ZFAND6: variants seen among roughly 807,000 people sequenced by gnomAD.
ZFAND6 encodes the protein zinc finger AN1-type containing 6, also known as AN1-type zinc finger protein 6.
A neutral mutation model predicts 24.5 loss-of-function variants in ZFAND6; 12 were observed. The ratio of observed to expected loss-of-function variants is 0.49; its 90% CI spans 0.31 to 0.79. ZFAND6 has a LOEUF of 0.79. Ranked by LOEUF, ZFAND6 falls within the 30% of genes least tolerant of loss-of-function variation. ZFAND6 has a pLI of 0.04. For missense variants in ZFAND6, 207 were observed against 245.9 expected, an observed-to-expected ratio of 0.84 and a Z score of 1.06; for synonymous variants, 92 against 81.5, an observed-to-expected ratio of 1.13 and a Z score of -0.69.
chr15:80,096,899 G>A (rs1479758335), intron 1 of ZFAND6, among the ~76,000 whole-genome samples: 1 of 152,108 alleles, frequency 6.6e-6, no homozygotes, highest in Non-Finnish European at 1.5e-5. Context: ...AAAAATGCAG[G>A]TGAATAGGAA....
chr15:80,122,962 G>A (rs72630427), intron 5 of ZFAND6, 162 bp downstream of exon 5: 32,448 of 506,270 alleles, frequency 0.064, 1,615 homozygotes, highest in East Asian at 0.22. Context: ...AACATGTTGG[G>A]GAGCCATTTC....
chr15:80,060,930 C>T (rs989703868), intron 1 of ZFAND6, among the ~76,000 whole-genome samples: 2 of 152,044 alleles, frequency 1.3e-5, no homozygotes, highest in South Asian at 2.1e-4. Flanking sequence ...AAAAAAAAGC[C>T]GGGCAGAATT....
chr15:80,069,241 A>G (rs570034964), intron 1 of ZFAND6, among the ~76,000 whole-genome samples: 1 of 152,290 alleles, frequency 6.6e-6, no homozygotes, highest in East Asian at 1.9e-4. Context: ...GCACATGAAA[A>G]TTTATGACTT....
intron 2 of ZFAND6, chr15:80,112,710 A>C (rs773384800): frequency 8.0e-5 from 36 of 448,600 alleles, no homozygotes; most frequent in Non-Finnish European, 1.4e-4. Flanking sequence ...TTTTTTTATC[A>C]TCTCTGCAAA....
intron 1 of ZFAND6, among the ~76,000 whole-genome samples, chr15:80,064,457 ATCT>A (rs1479567661): frequency 6.6e-6 from 1 of 152,086 alleles, no homozygotes; most frequent in Admixed American, 6.6e-5. Flanking sequence ...GATATTGGAC[ATCT>A]TCTAGTTTAT....
intron 1 of ZFAND6, among the ~76,000 whole-genome samples, chr15:80,068,440 C>T (rs1474475684): frequency 1.3e-5 from 2 of 152,014 alleles, no homozygotes; most frequent in South Asian, 2.1e-4. Context: ...GGCACGATCT[C>T]GGCTAACTGC....
chr15:80,075,343 T>C (rs549239105), intron 1 of ZFAND6: 76 of 227,382 alleles, frequency 3.3e-4, no homozygotes, highest in Non-Finnish European at 5.6e-4. Context: ...AGTGAAAGTT[T>C]AGCTGTTGAT....
chr15:80,129,444 G>A (rs1182598822), intron 5 of ZFAND6, among the ~76,000 whole-genome samples: 1 of 152,198 alleles, frequency 6.6e-6, no homozygotes. Context: ...CACAGCAAAT[G>A]TCTGAGCATG....
intron 2 of ZFAND6, among the ~76,000 whole-genome samples, chr15:80,118,633 T>C (rs79547835): frequency 0.013 from 2,008 of 152,286 alleles, 39 homozygotes; most frequent in African/African-American, 0.046. Flanking sequence ...AAGTAGCATT[T>C]ATAAAAAGAA....
rs770135992 is a variant in ZFAND6, at chr15:80,120,475, G to A, written c.131G>A (p.Ser44Asn). 2.6e-6 allele frequency: 4 copies of A among 1,566,978 alleles called. No homozygotes were observed. The highest frequency in any genetic ancestry group is 8.7e-7 in the Non-Finnish European group (1 of 1,151,736). ...YKEHLQRQNS[S>N]NGRISPPATS... ...GAACATCTTCAAAGACAGAATAGTAGTAATGGTAGAATAAGCCCACCTGGT... is the reference window on the plus strand; with the variant it reads ...GAACATCTTCAAAGACAGAATAGTAATAATGGTAGAATAAGCCCACCTGGT... The change falls in exon 3 of 7, where the codon AGT becomes AAT. Residue 44 changes from serine to asparagine, a missense_variant. Coordinates refer to ENST00000261749, the MANE Select transcript of ZFAND6 (RefSeq NM_019006.4).
chr15:80,062,135 TCTC>T lies in ZFAND6; in HGVS notation c.-181+2331_-181+2333del, dbSNP rs773101472. On this transcript the variant is annotated intron_variant, in intron 1 of 6. Transcript: ENST00000261749. ...AATAAATTATCCTTTCTGCTGTTCC[TCTC>T]CTCCCCTCTAATCTCTAGCAAATTA... 7.2e-5 allele frequency among the ~76,000 whole-genome samples: 11 copies of T among 152,286 alleles called. No homozygotes were observed. The East Asian group carries it at 1.2e-3, about 16-fold the overall frequency.
At chr15:80,062,028 A>G (rs772375012) in intron 1 of ZFAND6, among the ~76,000 whole-genome samples, 8 of 152,214 alleles carry the variant, frequency 5.3e-5, no homozygotes, top group Non-Finnish European at 1.0e-4. Context: ...TTGAAGTCAC[A>G]TTGTAAAAAG....
chr15:80,059,104 C>A (rs1030468017), upstream of ZFAND6, among the ~76,000 whole-genome samples: 2 of 152,262 alleles, frequency 1.3e-5, no homozygotes, highest in Non-Finnish European at 2.9e-5. Context: ...TTCCAAGTCC[C>A]AGTTCAGGAC....
intron 1 of ZFAND6, among the ~76,000 whole-genome samples, chr15:80,072,246 T>C (rs1207080938): frequency 6.6e-6 from 1 of 152,096 alleles, no homozygotes; most frequent in Non-Finnish European, 1.5e-5. Flanking sequence ...AAATAAATGA[T>C]TTAGATTAAA....
chr15:80,122,228 A>T (rs933286029), intron 4 of ZFAND6, among the ~76,000 whole-genome samples: 3 of 152,072 alleles, frequency 2.0e-5, no homozygotes, highest in East Asian at 1.9e-4. Context: ...GTATATATAT[A>T]TTTTTTAACT....
intron 1 of ZFAND6, among the ~76,000 whole-genome samples, chr15:80,064,732 C>T (rs543275264): frequency 6.6e-6 from 1 of 152,228 alleles, no homozygotes; most frequent in South Asian, 2.1e-4. Flanking sequence ...CCTCTACTTC[C>T]TGGGCTGAAG....
chr15:80,125,460 C>T (rs994572353), intron 5 of ZFAND6, among the ~76,000 whole-genome samples: 40 of 152,200 alleles, frequency 2.6e-4, no homozygotes, highest in Admixed American at 6.5e-4. Context: ...TTTTTCTCTA[C>T]ATGTATTCTG....
Position 80,065,537 on chromosome 15 carries a change from A to ATTTTTTTTTT in ZFAND6, c.-181+5744_-181+5753dup, listed in dbSNP as rs149756891. On this transcript the variant is annotated intron_variant, in intron 1 of 6. Coordinates refer to ENST00000261749, the MANE Select transcript of ZFAND6 (RefSeq NM_019006.4). ...GGGCTTCAAATTAGTTTTGGTTTTGATTTTTTTTTTTTTTTTTTTTTTTTT... is the reference window on the plus strand; with the variant it reads ...GGGCTTCAAATTAGTTTTGGTTTTGATTTTTTTTTTTTTTTTTTTTTTTTTTTTTTTTTTT... Among the ~76,000 whole-genome samples the ATTTTTTTTTT allele has an allele frequency of 6.3e-3, 482 of 76,468 alleles. 23 individuals carry two copies. Among genetic ancestry groups the ATTTTTTTTTT allele is most frequent in the African/African-American group, 7.2e-3 (137 of 18,954 alleles). The allele number at this position is 76,468 out of a possible 152,430, so 50.2% of individuals were successfully genotyped here.
chr15:80,066,151 C>T (rs778811994), intron 1 of ZFAND6, among the ~76,000 whole-genome samples: 11 of 151,836 alleles, frequency 7.2e-5, no homozygotes, highest in Admixed American at 1.3e-4. Context: ...GACAAACCAA[C>T]GAATAAAGAA....
Sources: gnomAD v4.1 joint callset for allele counts (sites outside exome capture counted in the v4.1 genomes callset) on GRCh38, gnomAD v4.1.1 for gene constraint, MANE v1.5 for transcripts, NCBI Gene and HGNC (gene_info 2026-07-23, HGNC 2026-07-21) for gene names.